Variants in SCAMP1 observed in about 807,000 individuals in gnomAD.
SCAMP1 encodes secretory carrier membrane protein 1.
Under a neutral mutation model 41.8 loss-of-function variants are expected in SCAMP1, and 15 were observed. The ratio of observed to expected loss-of-function variants is 0.36; its 90% CI spans 0.24 to 0.55. The LOEUF is 0.55. SCAMP1 is among the 20% of genes least tolerant of loss of function. SCAMP1 has a pLI of 0.86. For synonymous variants in SCAMP1, 135 were observed against 136.8 expected, an observed-to-expected ratio of 0.99 and a Z score of 0.09; for missense variants, 341 against 412.6, an observed-to-expected ratio of 0.83 and a Z score of 1.50.
intron 2 of SCAMP1, among the ~76,000 whole-genome samples, chr5:78,391,402 C>T (rs1406647725): frequency 2.6e-5 from 4 of 150,996 alleles, no homozygotes; most frequent in Admixed American, 1.3e-4. Flanking sequence ...GCTGGCCTGG[C>T]GGGGGGCTGA....
intron 2 of SCAMP1, among the ~76,000 whole-genome samples, chr5:78,413,456 A>G (rs1367329784): frequency 1.4e-5 from 2 of 139,950 alleles, no homozygotes; most frequent in African/African-American, 5.4e-5. Flanking sequence ...CTCACTCTGT[A>G]GCCCAAGTTG....
intron 6 of SCAMP1, among the ~76,000 whole-genome samples, chr5:78,430,545 A>G (rs1215822206): frequency 6.6e-6 from 1 of 151,812 alleles, no homozygotes; most frequent in Non-Finnish European, 1.5e-5. Context: ...CTTCATGAGG[A>G]AAGGTAATAT....
In SCAMP1 at chr5:78,449,885, C is replaced by G. The variant is rs147977809; in HGVS notation, c.633-48C>G. The stretch of plus-strand genomic sequence containing the variant: ...AAAAATGACGTTTTTCCCCTTCTTT[C>G]TCTCCCCCTAACCCCCTTTTTTCTT... On this transcript the variant is annotated intron_variant, in intron 6 of 8. Coordinates refer to ENST00000621999, the MANE Select transcript of SCAMP1 (RefSeq NM_004866.6). 6.2e-3 allele frequency: 6,226 copies of G among 1,000,890 alleles called. 540 individuals carry two copies. In the Admixed American group the frequency reaches 0.15, roughly 24 times the overall value. 62.0% of individuals were successfully genotyped at this position (1,000,890 alleles called of 1,614,324 possible). A position where few individuals can be genotyped will look rare whatever the true frequency, so the allele number is the denominator to read the frequency against.
At chr5:78,434,150 A>AG (rs1485423935) in intron 6 of SCAMP1, among the ~76,000 whole-genome samples, 45 of 152,286 alleles carry the variant, frequency 3.0e-4, no homozygotes, top group African/African-American at 1.1e-3. Flanking sequence ...AGATCTGTGG[A>AG]GAAGAGCCTG....
At chr5:78,381,184 G>A (rs1263045070) in intron 1 of SCAMP1, among the ~76,000 whole-genome samples, 1 of 152,218 alleles carries the variant, frequency 6.6e-6, no homozygotes. Flanking sequence ...TCTCATAAGT[G>A]CTGTGGGAAC....
At chr5:78,449,151 A>C (rs2112206482) in intron 6 of SCAMP1, among the ~76,000 whole-genome samples, 1 of 152,240 alleles carries the variant, frequency 6.6e-6, no homozygotes, top group Non-Finnish European at 1.5e-5. Context: ...ATATATGTTC[A>C]TGGGAAGACT....
intron 6 of SCAMP1, among the ~76,000 whole-genome samples, chr5:78,432,618 C>G (rs189959037): frequency 1.2e-3 from 175 of 152,094 alleles, no homozygotes; most frequent in African/African-American, 4.0e-3. Flanking sequence ...CTTGTTTTCT[C>G]TGGCTGTCTT....
chr5:78,428,336 A>G (rs1199278913), intron 6 of SCAMP1, among the ~76,000 whole-genome samples: 3 of 152,230 alleles, frequency 2.0e-5, no homozygotes, highest in African/African-American at 7.2e-5. Flanking sequence ...ATCTTTTTGT[A>G]CTTCTGTTGA....
At chr5:78,451,334 C>T (rs1299473771) in intron 7 of SCAMP1, among the ~76,000 whole-genome samples, 3 of 152,170 alleles carry the variant, frequency 2.0e-5, no homozygotes, top group African/African-American at 7.2e-5. Flanking sequence ...TATCCTGTTT[C>T]ACCCAATGGT....
chr5:78,361,040 G>T, intron 1 of SCAMP1: 1 of 295,296 alleles, frequency 3.4e-6, no homozygotes, highest in Non-Finnish European at 6.4e-6. Context: ...CCTCTCAGGA[G>T]AGAAAGCCGA....
chr5:78,473,053 A>G (rs546883901), intron 8 of SCAMP1, among the ~76,000 whole-genome samples: 1 of 152,278 alleles, frequency 6.6e-6, no homozygotes, highest in South Asian at 2.1e-4. Context: ...TGATTTATCT[A>G]TATCTTTAAT....
Position 78,360,627 on chromosome 5 carries a change from T to G in SCAMP1, c.-45T>G, listed in dbSNP as rs775083163. 4 of 1,577,906 alleles carry G rather than the reference T, an allele frequency of 2.5e-6. No homozygotes were observed. Among genetic ancestry groups the G allele is most frequent in the Admixed American group, 3.5e-5 (2 of 56,504 alleles). On this transcript the variant is annotated 5_prime_UTR_variant, in exon 1 of 9. Coordinates refer to ENST00000621999, the MANE Select transcript of SCAMP1 (RefSeq NM_004866.6). ...GGGGGCGGCGGCCTCGCCTCGTCTCTCTCTCTGCGCCTGGGTCGGGTGGGT... is the reference window on the plus strand; with the variant it reads ...GGGGGCGGCGGCCTCGCCTCGTCTCGCTCTCTGCGCCTGGGTCGGGTGGGT...
Position 78,454,375 on chromosome 5 carries a change from G to C in SCAMP1, c.734+4341G>C, listed in dbSNP as rs200723913. On this transcript the variant is annotated intron_variant, in intron 7 of 8. Transcript: ENST00000621999. ...ACGTCCCATCAATACCTAATTTATT[G>C]AGAGTTTTTAGCATGAAGTGTTGTT... 2.1e-4 allele frequency among the ~76,000 whole-genome samples: 32 copies of C among 152,262 alleles called. 1 individual carries two copies. The East Asian group carries it at 6.2e-3, about 29-fold the overall frequency.
chr5:78,422,116 A>G (rs1171617428), intron 6 of SCAMP1, among the ~76,000 whole-genome samples, 156 bp downstream of exon 6: 1 of 152,200 alleles, frequency 6.6e-6, no homozygotes, highest in African/African-American at 2.4e-5. Flanking sequence ...ATGCCTGTGT[A>G]TTCATTGGAT....
intron 7 of SCAMP1, among the ~76,000 whole-genome samples, chr5:78,455,016 G>T (rs1168622352): frequency 6.6e-6 from 1 of 151,950 alleles, no homozygotes; most frequent in Non-Finnish European, 1.5e-5. Flanking sequence ...ATTTCTGTGG[G>T]ATCAGTGGTG....
intron 2 of SCAMP1, among the ~76,000 whole-genome samples, chr5:78,413,970 T>A (rs1345861185): frequency 6.6e-6 from 1 of 152,044 alleles, no homozygotes; most frequent in Non-Finnish European, 1.5e-5. Flanking sequence ...TTTCTTCTTT[T>A]CTTTTCTGTT....
At chr5:78,416,730 C>A (rs1378768856) in intron 4 of SCAMP1, 81 bp downstream of exon 4, 2 of 1,055,930 alleles carry the variant, frequency 1.9e-6, no homozygotes, top group Non-Finnish European at 2.7e-6. Context: ...GGTCATTTGG[C>A]CTGTGGATAA....
At chr5:78,422,483 A>G (rs183553523) in intron 6 of SCAMP1, among the ~76,000 whole-genome samples, 18 of 152,338 alleles carry the variant, frequency 1.2e-4, no homozygotes, top group African/African-American at 3.6e-4. Flanking sequence ...GTTAAGTATA[A>G]TGCTTTACAT....
At chr5:78,425,130 A>G (rs1347456493) in intron 6 of SCAMP1, among the ~76,000 whole-genome samples, 1 of 152,186 alleles carries the variant, frequency 6.6e-6, no homozygotes, top group Non-Finnish European at 1.5e-5. Flanking sequence ...ACATTTTATG[A>G]TCTATAAGTG....
Sources: allele counts gnomAD v4.1 joint callset (sites outside exome capture counted in the v4.1 genomes callset), GRCh38; gene constraint gnomAD v4.1.1; transcripts MANE v1.5; gene names NCBI Gene and HGNC (gene_info 2026-07-23, HGNC 2026-07-21).